SLC22A16: variants seen among roughly 807,000 people sequenced by gnomAD.
The protein encoded by SLC22A16 is WUGSC:RG331P03.1.
In SLC22A16, 53 loss-of-function variants were observed where a neutral mutation model predicts 52.9. The ratio of observed to expected loss-of-function variants is 1.00; its 90% CI spans 0.80 to 1.26. The LOEUF (loss-of-function observed/expected upper bound fraction) is 1.26, where lower values mean the gene tolerates loss of function less well. SLC22A16 is among the 50% of genes most tolerant of loss of function. The pLI, the probability that SLC22A16 is intolerant of heterozygous loss-of-function variation, is 0.00. For missense variants in SLC22A16, 726 were observed against 704.0 expected, an observed-to-expected ratio of 1.03 and a Z score of -0.35; for synonymous variants, 291 against 268.8, an observed-to-expected ratio of 1.08 and a Z score of -0.81.
At chr6:110,448,271 C>A (rs572782384) in intron 2 of SLC22A16, among the ~76,000 whole-genome samples, 6 of 152,102 alleles carry the variant, frequency 3.9e-5, no homozygotes, top group African/African-American at 1.4e-4. Context: ...TCTTTTCAAG[C>A]GCGTATTGGC....
At chr6:110,476,287 C>G in intron 1 of SLC22A16, 2 of 1,319,348 alleles carry the variant, frequency 1.5e-6, no homozygotes, top group South Asian at 3.4e-5. Flanking sequence ...AACAGGCGCA[C>G]TCCGAGCGAG....
rs113084965 is a variant in SLC22A16, at chr6:110,450,878, T to C, written c.534-3888A>G. On this transcript the variant is annotated intron_variant, in intron 2 of 7. Coordinates refer to ENST00000368919, the MANE Select transcript of SLC22A16 (RefSeq NM_033125.4). ...CCTGATAGCTTCTTGCACCTCTCTT[T>C]GTGACTACAAATCCCTTGCCCTTTC... Among the ~76,000 whole-genome samples the C allele has an allele frequency of 3.3e-3, 506 of 152,332 alleles. 5 individuals are homozygous for C. Among genetic ancestry groups the C allele is most frequent in the African/African-American group, 0.011 (461 of 41,576 alleles).
chr6:110,461,610 A>C (rs1775887365), intron 1 of SLC22A16, among the ~76,000 whole-genome samples: 1 of 152,010 alleles, frequency 6.6e-6, no homozygotes, highest in Non-Finnish European at 1.5e-5. Context: ...GCTTCCTGAG[A>C]CCTCCACACT....
intron 2 of SLC22A16, among the ~76,000 whole-genome samples, chr6:110,447,660 C>T (rs934142249): frequency 6.6e-6 from 1 of 152,170 alleles, no homozygotes. Context: ...CTGCCACCCC[C>T]TCTTCCCTGC....
intron 1 of SLC22A16, among the ~76,000 whole-genome samples, chr6:110,459,635 T>C (rs973562777): frequency 4.6e-5 from 7 of 152,172 alleles, no homozygotes; most frequent in African/African-American, 1.2e-4. Context: ...AAATGAAGTA[T>C]ATAGTTAGTT....
chr6:110,435,495 G>A (rs1433834659), intron 6 of SLC22A16, among the ~76,000 whole-genome samples: 3 of 152,076 alleles, frequency 2.0e-5, no homozygotes, highest in Non-Finnish European at 4.4e-5. Flanking sequence ...CCCAGCCTGT[G>A]GTATTTTGTT....
chr6:110,452,244 G>T (rs1775413332), intron 2 of SLC22A16, among the ~76,000 whole-genome samples: 1 of 152,000 alleles, frequency 6.6e-6, no homozygotes, highest in Non-Finnish European at 1.5e-5. Context: ...TTTCTGCAAT[G>T]ACATTTTTAA....
intron 1 of SLC22A16, among the ~76,000 whole-genome samples, chr6:110,460,551 GCCTTCGTGAC>G (rs1775830434): frequency 6.6e-6 from 1 of 152,048 alleles, no homozygotes; most frequent in African/African-American, 2.4e-5. Flanking sequence ...GAGCCCCTCT[GCCTTCGTGAC>G]CCTGGGCAAT....
At chr6:110,460,630 C>A (rs1775843225) in intron 1 of SLC22A16, among the ~76,000 whole-genome samples, 1 of 152,190 alleles carries the variant, frequency 6.6e-6, no homozygotes, top group Non-Finnish European at 1.5e-5. Flanking sequence ...CCAACTCATG[C>A]AGGTGTGCTG....
chr6:110,475,553 T>C (rs1325938647), intron 1 of SLC22A16, among the ~76,000 whole-genome samples: 1 of 152,216 alleles, frequency 6.6e-6, no homozygotes, highest in Admixed American at 6.5e-5. Context: ...CCAAAACGCA[T>C]GCAACCTTCC....
intron 6 of SLC22A16, 21 bp downstream of exon 6, chr6:110,435,831 C>T (rs1384065640): frequency 6.6e-7 from 1 of 1,515,106 alleles, no homozygotes; most frequent in Non-Finnish European, 9.0e-7. Flanking sequence ...GGAAAACAAC[C>T]AGAAAACAAT....
intron 7 of SLC22A16, among the ~76,000 whole-genome samples, chr6:110,429,839 C>T (rs901662906): frequency 5.3e-5 from 8 of 151,932 alleles, no homozygotes; most frequent in Non-Finnish European, 8.8e-5. Flanking sequence ...GGCTACTTAA[C>T]AGGTACATGA....
At chr6:110,461,058 A>G (rs1775861497) in intron 1 of SLC22A16, among the ~76,000 whole-genome samples, 2 of 152,230 alleles carry the variant, frequency 1.3e-5, no homozygotes, top group Admixed American at 6.5e-5. Context: ...GCAATTGAAG[A>G]AAGGCTTTCT....
chr6:110,425,239 G>C (rs2114864220), intron 7 of SLC22A16, 154 bp from the exon 8 acceptor site: 1 of 1,519,170 alleles, frequency 6.6e-7, no homozygotes, highest in Non-Finnish European at 8.8e-7. Flanking sequence ...TTGGTTACTT[G>C]TGCTGGACTT....
chr6:110,475,613 T>C (rs996978947), intron 1 of SLC22A16, among the ~76,000 whole-genome samples: 128 of 152,134 alleles, frequency 8.4e-4, no homozygotes, highest in Non-Finnish European at 1.1e-3. Flanking sequence ...TGATTCCCGT[T>C]TTCTGGATAG....
intron 1 of SLC22A16, among the ~76,000 whole-genome samples, chr6:110,474,486 G>A (rs979510121): frequency 9.2e-5 from 14 of 152,314 alleles, no homozygotes; most frequent in African/African-American, 3.4e-4. Context: ...TATAAGCAGT[G>A]GTTTGTTACC....
intron 1 of SLC22A16, among the ~76,000 whole-genome samples, chr6:110,459,586 G>C (rs953700400): frequency 6.6e-6 from 1 of 152,152 alleles, no homozygotes; most frequent in Admixed American, 6.5e-5. Context: ...ACTGGATCCC[G>C]GAACAGGAAG....
chr6:110,433,159 C>T (rs534156470), intron 6 of SLC22A16, among the ~76,000 whole-genome samples: 118 of 152,306 alleles, frequency 7.7e-4, no homozygotes, highest in Middle Eastern at 3.4e-3. Flanking sequence ...AAACTCTACT[C>T]TCAGACAACT....
At chr6:110,427,662 G>C (rs1465037794) in intron 7 of SLC22A16, among the ~76,000 whole-genome samples, 2 of 152,146 alleles carry the variant, frequency 1.3e-5, no homozygotes, top group Non-Finnish European at 2.9e-5. Flanking sequence ...ACCACGCTCG[G>C]CTAATATTTG....
Sources: gnomAD v4.1 joint callset for allele counts (sites outside exome capture counted in the v4.1 genomes callset) on GRCh38, gnomAD v4.1.1 for gene constraint, MANE v1.5 for transcripts, NCBI Gene and HGNC (gene_info 2026-07-23, HGNC 2026-07-21) for gene names.